The following SCUBE2 variants were observed in gnomAD, a reference collection of about 807,000 sequenced individuals.
The protein encoded by SCUBE2 is signal peptide, CUB domain and EGF like domain containing 2, also known as signal peptide, CUB and EGF-like domain-containing protein 2.
In SCUBE2, 114 loss-of-function variants were observed where a neutral mutation model predicts 125.9. The ratio of observed to expected loss-of-function variants is 0.91; its 90% CI spans 0.78 to 1.06. The LOEUF (loss-of-function observed/expected upper bound fraction) is 1.06. SCUBE2 is among the 50% of genes least tolerant of loss of function. SCUBE2 has a pLI of 0.00. For missense variants in SCUBE2, 1,255 were observed against 1,301.8 expected, an observed-to-expected ratio of 0.96 and a Z score of 0.55; for synonymous variants, 459 against 492.9, an observed-to-expected ratio of 0.93 and a Z score of 0.91.
At chr11:9,081,229 G>T (rs1861618072) in intron 2 of SCUBE2, among the ~76,000 whole-genome samples, 2 of 152,110 alleles carry the variant, frequency 1.3e-5, no homozygotes, top group Non-Finnish European at 2.9e-5. Context: ...TGTACAGTTG[G>T]ATATAATTAA....
chr11:9,052,981 C>A, intron 12 of SCUBE2, 118 bp downstream of exon 12: 3 of 1,054,800 alleles, frequency 2.8e-6, no homozygotes, highest in Non-Finnish European at 4.2e-6. Flanking sequence ...TCTCAAAGCA[C>A]GGTGGTCGGG....
chr11:9,028,829 C>T (rs1856018423), intron 19 of SCUBE2, among the ~76,000 whole-genome samples: 1 of 152,168 alleles, frequency 6.6e-6, no homozygotes, highest in Non-Finnish European at 1.5e-5. Context: ...GAACATTCAT[C>T]TTGTTCTAAC....
At chr11:9,053,525 TG>T in intron 11 of SCUBE2, 111 bp downstream of exon 11, 1 of 1,220,530 alleles carries the variant, frequency 8.2e-7, no homozygotes. Flanking sequence ...CTGCAGCTGG[TG>T]GGGAAGTCAG....
chr11:9,052,603 GCAA>G (rs1333112921), intron 13 of SCUBE2, 140 bp downstream of exon 13: 2 of 602,194 alleles, frequency 3.3e-6, no homozygotes, highest in Middle Eastern at 2.7e-4. Flanking sequence ...AGGACTGCAG[GCAA>G]CAACACCCTG....
chr11:9,045,055 G>A (rs956539696), intron 16 of SCUBE2, among the ~76,000 whole-genome samples: 1 of 152,088 alleles, frequency 6.6e-6, no homozygotes, highest in Non-Finnish European at 1.5e-5. Context: ...TTATTGGTTG[G>A]TTGTCTACCT....
At position 9,047,336 on chromosome 11, in the gene SCUBE2, G is replaced by T; in HGVS notation, c.2002+20C>A. ...GAGCCCAAGGCTGTTCTGTTAGCAAGAATGTCCCAGGCCACTCACCACATT... is the reference window on the plus strand; with the variant it reads ...GAGCCCAAGGCTGTTCTGTTAGCAATAATGTCCCAGGCCACTCACCACATT... On this transcript the variant is annotated intron_variant, in intron 16 of 22. Coordinates refer to ENST00000649792, the MANE Select transcript of SCUBE2 (RefSeq NM_001367977.2). 6.2e-7 allele frequency: 1 copy of T among 1,613,200 alleles called. No individual in the cohort carries two copies. Among genetic ancestry groups the T allele is most frequent in the East Asian group, 2.2e-5 (1 of 44,862 alleles).
At chr11:9,038,415 G>C (rs574908525) in intron 16 of SCUBE2, among the ~76,000 whole-genome samples, 1 of 152,286 alleles carries the variant, frequency 6.6e-6, no homozygotes, top group Non-Finnish European at 1.5e-5. Context: ...TGAGGCAGGA[G>C]GACTGCTTGA....
intron 10 of SCUBE2, 38 bp from the exon 11 acceptor site, chr11:9,053,797 C>T (rs1290361762): frequency 6.3e-7 from 1 of 1,598,940 alleles, no homozygotes; most frequent in South Asian, 1.1e-5. Context: ...AGCAGCCTGT[C>T]ACTGAATGGG....
intron 16 of SCUBE2, among the ~76,000 whole-genome samples, chr11:9,035,598 G>A (rs941009226): frequency 6.6e-6 from 1 of 151,910 alleles, no homozygotes; most frequent in African/African-American, 2.4e-5. Context: ...AAGGGAGATC[G>A]GTTTTCATCC....
intron 2 of SCUBE2, among the ~76,000 whole-genome samples, chr11:9,082,252 T>C (rs979822082): frequency 6.6e-6 from 1 of 152,244 alleles, no homozygotes; most frequent in African/African-American, 2.4e-5. Context: ...ATAAGATACA[T>C]GATTTGCAAA....
In SCUBE2 at chr11:9,081,275, C is replaced by T. The variant is rs182879422; in HGVS notation, c.257-1766G>A. 3.2e-3 allele frequency among the ~76,000 whole-genome samples: 480 copies of T among 152,302 alleles called. 2 individuals are homozygous for T. The highest frequency in any genetic ancestry group is 5.0e-3 in the Non-Finnish European group (341 of 68,024). Reference sequence around the variant, plus strand: ...ATGTTGTGAAACCATCACCACTATTCATCTCCCTAACTCTTTTTATCTTGT... The same window carrying T: ...ATGTTGTGAAACCATCACCACTATTTATCTCCCTAACTCTTTTTATCTTGT... On this transcript the variant is annotated intron_variant, in intron 2 of 22. Transcript: ENST00000649792.
intron 20 of SCUBE2, chr11:9,026,065 G>T: frequency 1.9e-6 from 1 of 512,876 alleles, no homozygotes; most frequent in Non-Finnish European, 3.4e-6. Flanking sequence ...ACACCTGAAA[G>T]ACCTGGGGCT....
In SCUBE2 at chr11:9,087,854, C is replaced by T. The variant is rs554984693; in HGVS notation, c.256+1853G>A. Among the ~76,000 whole-genome samples the T allele has an allele frequency of 3.5e-3, 531 of 152,280 alleles. 2 individuals carry two copies. The highest frequency in any genetic ancestry group is 6.3e-3 in the Non-Finnish European group (428 of 68,008). Reference sequence around the variant, plus strand: ...GATGGGTGGATAGGGAGGATCAGGTCATTGCTACAACACTGCAAAAGCATC... The same window carrying T: ...GATGGGTGGATAGGGAGGATCAGGTTATTGCTACAACACTGCAAAAGCATC... On this transcript the variant is annotated intron_variant, in intron 2 of 22. Transcript: ENST00000649792.
At chr11:9,043,546 A>C (rs912561360) in intron 16 of SCUBE2, among the ~76,000 whole-genome samples, 1 of 152,124 alleles carries the variant, frequency 6.6e-6, no homozygotes, top group Non-Finnish European at 1.5e-5. Flanking sequence ...CAAAGTCCCC[A>C]AATGCCAAAT....
At chr11:9,090,727 C>T (rs1862617889) in intron 1 of SCUBE2, among the ~76,000 whole-genome samples, 1 of 152,082 alleles carries the variant, frequency 6.6e-6, no homozygotes, top group African/African-American at 2.4e-5. Context: ...CCCATCCTCT[C>T]AACCTGGAAA....
chr11:9,038,087 T>C (rs1856887965), intron 16 of SCUBE2, among the ~76,000 whole-genome samples: 1 of 147,308 alleles, frequency 6.8e-6, no homozygotes, highest in African/African-American at 2.5e-5. Flanking sequence ...CATTATGTGC[T>C]GAGTACCGTT....
rs1024506715 is a variant in SCUBE2 at position 9,027,457 on chromosome 11, G to A, written c.2608C>T (p.Pro870Ser). The A allele has an allele frequency of 3.1e-6, 5 of 1,613,912 alleles. No individual in the cohort carries two copies. The highest frequency in any genetic ancestry group is 2.7e-5 in the African/African-American group (2 of 74,852). The stretch of plus-strand genomic sequence containing the variant: ...ATCAGGATGCGGCGCTTGGGGGGTG[G>A]GTTGATGGTCCACGTACACTCGGTG... ...ANTECTWTIN[P>S]PPKRRILIVV... Residue 870 changes from proline (P) to serine (S), a missense_variant, in exon 20 of 23, where the codon CCA becomes TCA. Coordinates refer to ENST00000649792, the MANE Select transcript of SCUBE2 (RefSeq NM_001367977.2).
chr11:9,036,291 C>T (rs999272340), intron 16 of SCUBE2, among the ~76,000 whole-genome samples: 1 of 152,204 alleles, frequency 6.6e-6, no homozygotes, highest in Non-Finnish European at 1.5e-5. Context: ...TAATTCCAGA[C>T]TTCTTCTCTA....
chr11:9,031,199 G>A (rs1856272597), intron 17 of SCUBE2: 2 of 310,060 alleles, frequency 6.5e-6, no homozygotes, highest in South Asian at 6.9e-5. Context: ...GGGAAGGCCT[G>A]GGTAGTTCTC....
Sources: allele counts gnomAD v4.1 joint callset (sites outside exome capture counted in the v4.1 genomes callset), GRCh38; gene constraint gnomAD v4.1.1; transcripts MANE v1.5; gene names NCBI Gene and HGNC (gene_info 2026-07-23, HGNC 2026-07-21).